The following KLHDC10 variants were observed in gnomAD, a reference collection of about 807,000 sequenced individuals.
KLHDC10 encodes kelch domain-containing protein 10.
KLHDC10 carries 24 observed loss-of-function variants against 56.1 expected under a neutral mutation model. That is an observed-to-expected ratio of 0.43 (90% CI 0.31 to 0.60). The LOEUF is 0.60. KLHDC10 is among the 20% of genes least tolerant of loss of function. The pLI, the probability that KLHDC10 is intolerant of heterozygous loss-of-function variation, is 0.11. For missense variants in KLHDC10, 349 were observed against 567.0 expected, an observed-to-expected ratio of 0.62 and a Z score of 3.91; for synonymous variants, 188 against 207.1, an observed-to-expected ratio of 0.91 and a Z score of 0.79.
At chr7:130,102,489 T>G (rs1368385845) in intron 2 of KLHDC10, among the ~76,000 whole-genome samples, 2 of 152,168 alleles carry the variant, frequency 1.3e-5, no homozygotes, top group African/African-American at 4.8e-5. Flanking sequence ...GAATGTATCT[T>G]TACAGAGCCA....
intron 1 of KLHDC10, among the ~76,000 whole-genome samples, chr7:130,083,220 T>C (rs1378569012): frequency 6.6e-6 from 1 of 152,190 alleles, no homozygotes; most frequent in Non-Finnish European, 1.5e-5. Context: ...TTAATGGCTA[T>C]ATCATCAATT....
At chr7:130,121,047 G>T (rs1224419196) in intron 4 of KLHDC10, 144 bp downstream of exon 4, 1 of 763,572 alleles carries the variant, frequency 1.3e-6, no homozygotes, top group African/African-American at 1.8e-5. Flanking sequence ...GTTCTGATAT[G>T]AAATTATAAT....
intron 2 of KLHDC10, among the ~76,000 whole-genome samples, chr7:130,109,333 C>G (rs182419108): frequency 1.2e-3 from 189 of 152,042 alleles, no homozygotes; most frequent in African/African-American, 4.3e-3. Flanking sequence ...ATCCTCCAGC[C>G]CACCTCAGCC....
intron 1 of KLHDC10, among the ~76,000 whole-genome samples, chr7:130,094,425 AAAT>A (rs533397216): frequency 5.9e-5 from 9 of 152,274 alleles, no homozygotes; most frequent in African/African-American, 2.2e-4. Context: ...TAAAAAATTA[AAAT>A]AATACAGTAT....
rs1795975422 is a variant in KLHDC10 at position 130,104,050 on chromosome 7, T to C, written c.253+7043T>C. ...TTGCAGTGAGCCAAGATCGTGCTACTGCACTCCAGCCTGGGCAACAGAGCA... is the reference window on the plus strand; with the variant it reads ...TTGCAGTGAGCCAAGATCGTGCTACCGCACTCCAGCCTGGGCAACAGAGCA... On this transcript the variant is annotated intron_variant, in intron 2 of 9. Coordinates refer to ENST00000335420, the MANE Select transcript of KLHDC10 (RefSeq NM_014997.4). Among the ~76,000 whole-genome samples the C allele has an allele frequency of 2.6e-5, 4 of 152,088 alleles. No individual in the cohort carries two copies. In the South Asian group the frequency reaches 8.3e-4, roughly 32 times the overall value.
intron 1 of KLHDC10, among the ~76,000 whole-genome samples, chr7:130,075,030 T>C (rs1795478737): frequency 6.6e-6 from 1 of 152,208 alleles, no homozygotes; most frequent in Non-Finnish European, 1.5e-5. Flanking sequence ...TGAAGTTCAC[T>C]AGTGATTATG....
intron 1 of KLHDC10, among the ~76,000 whole-genome samples, chr7:130,074,765 G>C (rs533752447): frequency 6.6e-6 from 1 of 151,884 alleles, no homozygotes; most frequent in Non-Finnish European, 1.5e-5. Context: ...ATAGGTGCGC[G>C]CCACTGTGCT....
chr7:130,104,903 G>T (rs2116882728), intron 2 of KLHDC10, among the ~76,000 whole-genome samples: 1 of 152,280 alleles, frequency 6.6e-6, no homozygotes, highest in South Asian at 2.1e-4. Context: ...CAACACTGGG[G>T]ATTACAATTG....
intron 8 of KLHDC10, 67 bp downstream of exon 8, chr7:130,127,518 C>T (rs1707542381): frequency 9.0e-7 from 1 of 1,108,172 alleles, no homozygotes; most frequent in Non-Finnish European, 1.4e-6. Context: ...GTCTTATTTC[C>T]TAAGATAGCC....
intron 1 of KLHDC10, among the ~76,000 whole-genome samples, chr7:130,085,547 A>AGGTAAAAAGGTTTTAAAATG (rs1460453285): frequency 2.0e-5 from 3 of 151,744 alleles, no homozygotes; most frequent in Non-Finnish European, 4.4e-5. Flanking sequence ...TTAAAATGGT[A>AGGTAAAAAGGTTTTAAAATG]GACTCAGCCG....
chr7:130,127,336 G>T, intron 7 of KLHDC10, 68 bp from the exon 8 acceptor site: 1 of 1,263,650 alleles, frequency 7.9e-7, no homozygotes, highest in African/African-American at 1.5e-5. Context: ...GTCTTTCACT[G>T]TGTTATATCA....
intron 1 of KLHDC10, among the ~76,000 whole-genome samples, chr7:130,080,738 A>G (rs981906205): frequency 1.1e-4 from 17 of 152,112 alleles, no homozygotes; most frequent in Non-Finnish European, 2.5e-4. Flanking sequence ...TACAATTTAT[A>G]TCTTTTGGGG....
chr7:130,116,602 T>C lies in KLHDC10; in HGVS notation c.411T>C (p.Ala137=), dbSNP rs368124394. The change falls in exon 3 of 10, where the codon GCT becomes GCC. Residue 137 remains alanine, a synonymous_variant. Coordinates refer to ENST00000335420, the MANE Select transcript of KLHDC10 (RefSeq NM_014997.4). The surrounding 1 kb of genome is among the most constrained non-coding windows in gnomAD (Gnocchi z 4.8). ...LFRELWRYHF[A]TGVWHQMGTD... is the part of the protein sequence containing the mutation. ...GGGAACTCTGGAGGTATCATTTTGC[T>C]ACAGGAGTATGGCACCAGATGGGCA... The C allele has an allele frequency of 2.2e-5, 35 of 1,614,090 alleles. No individual in the cohort carries two copies. Among genetic ancestry groups the C allele is most frequent in the Non-Finnish European group, 2.6e-5 (31 of 1,180,046 alleles).
intron 2 of KLHDC10, among the ~76,000 whole-genome samples, chr7:130,115,471 GT>G (rs2116900322): frequency 6.6e-6 from 1 of 152,032 alleles, no homozygotes; most frequent in Non-Finnish European, 1.5e-5. Flanking sequence ...ATCCCAGGAT[GT>G]TGGGAGGCCA....
chr7:130,125,705 C>T (rs948177938), intron 6 of KLHDC10, among the ~76,000 whole-genome samples, 160 bp from the exon 7 acceptor site: 6 of 152,270 alleles, frequency 3.9e-5, no homozygotes, highest in Middle Eastern at 3.4e-3. Flanking sequence ...TGTTAAAAGT[C>T]CAGTTTTCTG....
chr7:130,130,619 TGG>T lies in KLHDC10; in HGVS notation c.1203_1204del (p.Val402ThrfsTer2), dbSNP rs778083934. The T allele has an allele frequency of 6.2e-7, 1 of 1,614,000 alleles. No homozygotes were observed. The highest frequency in any genetic ancestry group is 8.5e-7 in the Non-Finnish European group (1 of 1,179,908). On this transcript the variant is annotated frameshift_variant, in exon 10 of 10. Transcript: ENST00000335420. LOFTEE classifies it high-confidence loss of function. This position sits in a 1 kb window ranked among gnomAD's most constrained non-coding sequence, Gnocchi z 4.2. ...GGGTCATTGTTTAAGATCTGGCTGGTGGTACCTAGCCTGCTGGAACTGGCATG... is the reference window on the plus strand; with the variant it reads ...GGGTCATTGTTTAAGATCTGGCTGGTTACCTAGCCTGCTGGAACTGGCATG...
chr7:130,127,444 A>G lies in KLHDC10; in HGVS notation c.972A>G (p.Ile324Met). The G allele has an allele frequency of 1.2e-6, 2 of 1,608,568 alleles. No individual in the cohort carries two copies. The highest frequency in any genetic ancestry group is 1.7e-5 in the Admixed American group (1 of 59,976). ...GAAGGTGTCACAGTTGTGTTCAAAT[A>G]AAAAATGGTAAGGATTCTAAATAAC... ...AARRCHSCVQ[I>M]KNDVFICGGY... Residue 324 changes from isoleucine to methionine, a missense_variant, in exon 8 of 10, where the codon ATA becomes ATG. Ile to Met is a conservative substitution (Grantham distance 10, BLOSUM62 1). This residue lies in a region of KLHDC10 where 245 missense variants were observed against 470.1 expected (regional missense o/e 0.52). Coordinates refer to ENST00000335420, the MANE Select transcript of KLHDC10 (RefSeq NM_014997.4).
chr7:130,075,016 T>G (rs1282981487), intron 1 of KLHDC10, among the ~76,000 whole-genome samples: 1 of 152,190 alleles, frequency 6.6e-6, no homozygotes, highest in Non-Finnish European at 1.5e-5. Context: ...TTTCTCCTGT[T>G]TTCTGAAGTT....
At chr7:130,075,527 G>C (rs981441000) in intron 1 of KLHDC10, among the ~76,000 whole-genome samples, 1 of 152,130 alleles carries the variant, frequency 6.6e-6, no homozygotes, top group African/African-American at 2.4e-5. Flanking sequence ...GTTCAGGGGG[G>C]ACGGGAGGGA....
Sources: allele counts gnomAD v4.1 joint callset (sites outside exome capture counted in the v4.1 genomes callset), GRCh38; gene constraint gnomAD v4.1.1; regional missense constraint gnomAD v4.1.1; non-coding constraint Gnocchi (gnomAD v3.1); transcripts MANE v1.5; gene names NCBI Gene and HGNC (gene_info 2026-07-23, HGNC 2026-07-21).